Variants in LRRC4C observed in about 807,000 individuals in gnomAD.
LRRC4C encodes the protein leucine-rich repeat-containing protein 4C.
In LRRC4C, 5 loss-of-function variants were observed where a neutral mutation model predicts 33.6. The ratio of observed to expected loss-of-function variants is 0.15; its 90% CI spans 0.08 to 0.31. The LOEUF is 0.31. Ranked by LOEUF, LRRC4C falls within the 10% of genes least tolerant of loss-of-function variation. The probability of loss-of-function intolerance (pLI) is 1.00; values close to 1 mark genes in which losing one functional copy is unlikely to be tolerated. For synonymous variants in LRRC4C, 329 were observed against 302.0 expected (o/e 1.09, Z -0.93); for missense variants, 560 against 796.7 (o/e 0.70, Z 3.58).
At chr11:40,545,638 A>G (rs1049837664) in intron 3 of LRRC4C, among the ~76,000 whole-genome samples, 1 of 151,980 alleles carries the variant, frequency 6.6e-6, no homozygotes, top group Middle Eastern at 3.2e-3. Context: ...TAAAGCACAT[A>G]TTAAGTATAA....
At chr11:41,219,307 T>C (rs1269500067) in intron 1 of LRRC4C, among the ~76,000 whole-genome samples, 1 of 152,128 alleles carries the variant, frequency 6.6e-6, no homozygotes, top group Admixed American at 6.5e-5. Context: ...ATGAAGATAC[T>C]TTTCACCCTT....
At chr11:40,881,986 T>G (rs538536759) in intron 2 of LRRC4C, among the ~76,000 whole-genome samples, 10 of 151,992 alleles carry the variant, frequency 6.6e-5, no homozygotes, top group African/African-American at 2.4e-4. Context: ...AGTCAGCAGG[T>G]TTTTTTTCTT....
chr11:41,209,669 A>T (rs1439219780), intron 1 of LRRC4C, among the ~76,000 whole-genome samples: 1 of 151,948 alleles, frequency 6.6e-6, no homozygotes, highest in Non-Finnish European at 1.5e-5. Context: ...ATTAAAGAGA[A>T]AAAAAGACTT....
At chr11:40,728,293 G>C (rs1330911038) in intron 2 of LRRC4C, among the ~76,000 whole-genome samples, 1 of 151,982 alleles carries the variant, frequency 6.6e-6, no homozygotes, top group African/African-American at 2.4e-5. Context: ...CCCCATTACT[G>C]GGTATATGTC....
In LRRC4C at chr11:41,279,419, CA is replaced by C. The variant is rs1565542331; in HGVS notation, c.-496+180011del. Among the ~76,000 whole-genome samples, 281 of 146,090 alleles carry C rather than the reference CA, an allele frequency of 1.9e-3. 8 individuals carry two copies. In the East Asian group the frequency reaches 0.046, roughly 24 times the overall value. Reference sequence around the variant, plus strand: ...ACACACACACACACACACACACACACACACACACACCGTGGCAATCACTGCC... The same window carrying C: ...ACACACACACACACACACACACACACCACACACACCGTGGCAATCACTGCC... On this transcript the variant is annotated intron_variant, in intron 1 of 6. Transcript: ENST00000528697.
At chr11:41,014,488 GTTT>G (rs11293192) in intron 1 of LRRC4C, among the ~76,000 whole-genome samples, 114 of 140,854 alleles carry the variant, frequency 8.1e-4, no homozygotes, top group African/African-American at 3.0e-3. Context: ...TTCTATTGCA[GTTT>G]TTTTTTTTTT....
intron 4 of LRRC4C, among the ~76,000 whole-genome samples, chr11:40,272,398 C>G (rs935973173): frequency 1.3e-5 from 2 of 152,022 alleles, no homozygotes; most frequent in African/African-American, 2.4e-5. Context: ...AAAGTTTAAG[C>G]CTACATAAAA....
intron 2 of LRRC4C, among the ~76,000 whole-genome samples, chr11:40,896,612 G>A (rs1001922382): frequency 6.6e-6 from 1 of 151,398 alleles, no homozygotes; most frequent in Non-Finnish European, 1.5e-5. Context: ...CTAAATTATG[G>A]TATTTTGTTC....
intron 3 of LRRC4C, among the ~76,000 whole-genome samples, chr11:40,463,487 A>G (rs944664923): frequency 1.9e-4 from 29 of 152,116 alleles, no homozygotes; most frequent in Non-Finnish European, 4.1e-4. Flanking sequence ...ATTGGTAGAT[A>G]AGACAGAAAT....
At chr11:40,949,770 A>G (rs1170118731) in intron 1 of LRRC4C, among the ~76,000 whole-genome samples, 5 of 152,086 alleles carry the variant, frequency 3.3e-5, no homozygotes, top group South Asian at 2.1e-4. Context: ...TCATGCCAAA[A>G]TGTAAAGACC....
chr11:40,374,227 T>C (rs1948573141), intron 3 of LRRC4C, among the ~76,000 whole-genome samples: 1 of 152,150 alleles, frequency 6.6e-6, no homozygotes, highest in African/African-American at 2.4e-5. Context: ...AAATAGATGT[T>C]TGTTGTTGTG....
chr11:41,161,749 T>G (rs1357358105), intron 1 of LRRC4C, among the ~76,000 whole-genome samples: 1 of 152,178 alleles, frequency 6.6e-6, no homozygotes, highest in Non-Finnish European at 1.5e-5. Flanking sequence ...AAAAAATAAT[T>G]GGTATCCTTT....
intron 2 of LRRC4C, among the ~76,000 whole-genome samples, chr11:40,880,551 A>AG (rs1428574909): frequency 6.6e-6 from 1 of 151,106 alleles, no homozygotes; most frequent in Non-Finnish European, 1.5e-5. Context: ...ATGAAAAAAA[A>AG]AAAAAAACTA....
At chr11:40,582,399 C>T (rs1327678221) in intron 3 of LRRC4C, among the ~76,000 whole-genome samples, 6 of 151,982 alleles carry the variant, frequency 3.9e-5, no homozygotes, top group Non-Finnish European at 8.8e-5. Context: ...AAGTAATTGC[C>T]TGGCTGCTAC....
At chr11:40,248,865 AT>A (rs1427287443) in intron 4 of LRRC4C, among the ~76,000 whole-genome samples, 1 of 152,234 alleles carries the variant, frequency 6.6e-6, no homozygotes, top group Non-Finnish European at 1.5e-5. Flanking sequence ...TCAATAAAAA[AT>A]ATGTATTTAG....
chr11:41,163,284 G>GGTTTTTTTTTTTTTT (rs1555095278), intron 1 of LRRC4C, among the ~76,000 whole-genome samples: 1 of 73,382 alleles, frequency 1.4e-5, no homozygotes. Context: ...TACTGTAACT[G>GGTTTTTTTTTTTTTT]TTTTTTTTTT....
At chr11:40,465,989 T>A (rs572758744) in intron 3 of LRRC4C, among the ~76,000 whole-genome samples, 4 of 152,172 alleles carry the variant, frequency 2.6e-5, no homozygotes, top group South Asian at 2.1e-4. Context: ...TCAGCACTAT[T>A]CACAAGAGCA....
At chr11:40,791,895 A>G (rs1950635644) in intron 2 of LRRC4C, among the ~76,000 whole-genome samples, 1 of 152,114 alleles carries the variant, frequency 6.6e-6, no homozygotes, top group Non-Finnish European at 1.5e-5. Context: ...AGATAAGGCT[A>G]TGCAAACCCA....
intron 3 of LRRC4C, among the ~76,000 whole-genome samples, chr11:40,435,588 C>T (rs920710782): frequency 2.0e-5 from 3 of 152,062 alleles, no homozygotes; most frequent in Admixed American, 2.0e-4. Context: ...TTGGCCTCTA[C>T]TTCAAATAAA....
Sources: allele counts gnomAD v4.1 joint callset (sites outside exome capture counted in the v4.1 genomes callset), GRCh38; gene constraint gnomAD v4.1.1; transcripts MANE v1.5; gene names NCBI Gene and HGNC (gene_info 2026-07-23, HGNC 2026-07-21).